AACS: variants seen among roughly 807,000 people sequenced by gnomAD.
The protein encoded by AACS is acetoacetate-CoA ligase.
In AACS, 69 loss-of-function variants were observed where a neutral mutation model predicts 83.1. The ratio of observed to expected loss-of-function variants is 0.83; its 90% CI spans 0.68 to 1.01. The LOEUF (loss-of-function observed/expected upper bound fraction) is 1.01, where lower values mean the gene tolerates loss of function less well. Among genes scored for constraint, AACS ranks in the 50% least tolerant of loss-of-function variants. The pLI, the probability that AACS is intolerant of heterozygous loss-of-function variation, is 0.00. For missense variants in AACS, 866 were observed against 882.2 expected (o/e 0.98, Z 0.23); for synonymous variants, 333 against 343.4 (o/e 0.97, Z 0.33).
chr12:125,124,936 C>G lies in AACS; in HGVS notation c.1221C>G (p.Ile407Met). 6.2e-7 allele frequency: 1 copy of G among 1,614,220 alleles called. No individual in the cohort carries two copies. Among genetic ancestry groups the G allele is most frequent in the South Asian group, 1.1e-5 (1 of 91,084 alleles). Reference sequence around the variant, plus strand: ...ACAGTCTCCAGATGCTCCACACGATCCTGTCCACTGGCTCCCCACTGAAAG... The same window carrying G: ...ACAGTCTCCAGATGCTCCACACGATGCTGTCCACTGGCTCCCCACTGAAAG... ...ETHSLQMLHT[I>M]LSTGSPLKAQ... Residue 407 changes from isoleucine (I) to methionine (M), a missense_variant, in exon 12 of 18, where the codon ATC becomes ATG. Transcript: ENST00000316519.
intron 17 of AACS, 118 bp downstream of exon 17, chr12:125,136,982 C>A: frequency 1.0e-6 from 1 of 993,230 alleles, no homozygotes; most frequent in Non-Finnish European, 1.5e-6. Context: ...GTCCACGTTG[C>A]CTAGCAACGC....
At chr12:125,117,413 CAA>C (rs1252793019) in intron 9 of AACS, among the ~76,000 whole-genome samples, 1 of 137,982 alleles carries the variant, frequency 7.2e-6, no homozygotes, top group Admixed American at 7.3e-5. Context: ...GACTCCGTCT[CAA>C]AAAAAAAAAA....
At position 125,129,166 on chromosome 12, in the gene AACS, GA is replaced by G; in HGVS notation, c.1424-167del. The G allele has an allele frequency of 1.1e-6, 1 of 887,192 alleles. No individual in the cohort carries two copies. Among genetic ancestry groups the G allele is most frequent in the Non-Finnish European group, 1.6e-6 (1 of 633,532 alleles). The allele number at this position is 887,192 out of a possible 1,614,324, so 55.0% of individuals were successfully genotyped here. A position where few individuals can be genotyped will look rare whatever the true frequency, so the allele number is the denominator to read the frequency against. On this transcript the variant is annotated intron_variant, in intron 13 of 17. Transcript: ENST00000316519. The surrounding 1 kb of genome is among the most constrained non-coding windows in gnomAD (Gnocchi z 4.3). ...ACAGGGAGGGGACTTCATCTGGGAG[GA>G]ACGCATTATTAGGCTGCTGTGACAG...
At chr12:125,138,205 C>T (rs1957427304) in intron 17 of AACS, 1 of 152,098 alleles carries the variant, frequency 6.6e-6, no homozygotes, top group South Asian at 2.1e-4. Context: ...CCTGTCCCTC[C>T]TCCTCCCGGC....
Position 125,134,047 on chromosome 12 carries a change from G to A in AACS, c.1594G>A (p.Gly532Arg), listed in dbSNP as rs200488553. 34 of 1,613,902 alleles carry A rather than the reference G, an allele frequency of 2.1e-5. No homozygotes were observed. Among genetic ancestry groups the A allele is most frequent in the Non-Finnish European group, 9.3e-6 (11 of 1,179,998 alleles). The change falls in exon 15 of 18, where the codon GGG becomes AGG. Residue 532 changes from glycine to arginine, a missense_variant. Coordinates refer to ENST00000316519, the MANE Select transcript of AACS (RefSeq NM_023928.5). The part of the protein sequence containing the change: ...GDYCRINPKT[G>R]GIVMLGRSDG... ...CTACTGCAGAATCAACCCCAAGACC[G>A]GGGGCATCGTCATGCTTGGCCGGAG... is the stretch of plus-strand genomic sequence containing the variant.
intron 8 of AACS, among the ~76,000 whole-genome samples, chr12:125,112,360 A>G (rs1406142498): frequency 6.6e-6 from 1 of 152,122 alleles, no homozygotes; most frequent in Non-Finnish European, 1.5e-5. Context: ...AGGGCAGTGT[A>G]TTAGTCTGTT....
At position 125,065,674 on chromosome 12, in the gene AACS, C is replaced by T. The variant is rs1349557180; in HGVS notation, c.90C>T (p.Asp30=). Residue 30 remains aspartate (D), a synonymous_variant, in exon 1 of 18, where the codon GAC becomes GAT. Coordinates refer to ENST00000316519, the MANE Select transcript of AACS (RefSeq NM_023928.5). ...EPDSKKNTQM[D]RFRAAVGAAC... ...ACAGTAAGAAGAACACGCAGATGGACCGCTTCCGGGCGGCTGTGGGCGCCG... is the reference window on the plus strand; with the variant it reads ...ACAGTAAGAAGAACACGCAGATGGATCGCTTCCGGGCGGCTGTGGGCGCCG... The T allele has an allele frequency of 6.5e-7, 1 of 1,545,716 alleles. No individual in the cohort carries two copies. The highest frequency in any genetic ancestry group is 2.5e-5 in the East Asian group (1 of 40,238).
intron 10 of AACS, chr12:125,123,330 G>T (rs888316782): frequency 6.6e-6 from 1 of 152,228 alleles, no homozygotes. Flanking sequence ...CAAAGGAAGT[G>T]ACACCTTAGT....
At chr12:125,068,184 T>C (rs543728452) in intron 1 of AACS, among the ~76,000 whole-genome samples, 1 of 152,172 alleles carries the variant, frequency 6.6e-6, no homozygotes, top group South Asian at 2.1e-4. Context: ...GGGCTGGGCG[T>C]GGTGGCTCAC....
intron 15 of AACS, 45 bp downstream of exon 15, chr12:125,134,117 C>T: frequency 6.3e-7 from 1 of 1,597,970 alleles, no homozygotes; most frequent in Non-Finnish European, 8.5e-7. Context: ...GCCCCACCTT[C>T]CAGAGGCATG....
chr12:125,103,545 ATGG>A, intron 7 of AACS, among the ~76,000 whole-genome samples: 1 of 148,996 alleles, frequency 6.7e-6, no homozygotes, highest in Non-Finnish European at 1.5e-5. Context: ...ATGTGTATGT[ATGG>A]CTATGCATAC....
chr12:125,077,707 C>A (rs542149920), intron 3 of AACS, among the ~76,000 whole-genome samples: 2 of 151,638 alleles, frequency 1.3e-5, no homozygotes, highest in African/African-American at 4.8e-5. Flanking sequence ...AATGAGTCTC[C>A]AAGTTGGCAA....
At chr12:125,066,972 C>G (rs1955718747) in intron 1 of AACS, among the ~76,000 whole-genome samples, 1 of 152,194 alleles carries the variant, frequency 6.6e-6, no homozygotes, top group South Asian at 2.1e-4. Flanking sequence ...TCCTCCTCAC[C>G]AAACAGTGGT....
At chr12:125,136,619 A>G (rs761113307) in intron 16 of AACS, 43 bp from the exon 17 acceptor site, 1 of 1,580,028 alleles carries the variant, frequency 6.3e-7, no homozygotes, top group African/African-American at 1.3e-5. Context: ...CCCCACACTG[A>G]GGGGCCCCCT....
intron 10 of AACS, 136 bp from the exon 11 acceptor site, chr12:125,124,568 GA>G (rs982411638): frequency 1.1e-6 from 1 of 918,718 alleles, no homozygotes; most frequent in African/African-American, 1.7e-5. Context: ...GAGTAAACAT[GA>G]AGTATGAGTT....
chr12:125,073,126 C>T (rs1955921598), intron 1 of AACS, among the ~76,000 whole-genome samples: 1 of 151,924 alleles, frequency 6.6e-6, no homozygotes, highest in Non-Finnish European at 1.5e-5. Context: ...GATGGGGTTT[C>T]ACTATTTTGG....
chr12:125,104,298 G>T (rs1034805012), intron 7 of AACS, among the ~76,000 whole-genome samples: 2 of 152,206 alleles, frequency 1.3e-5, no homozygotes, highest in Admixed American at 6.5e-5. Context: ...CCAGCCACGG[G>T]GACCAGAGGT....
At chr12:125,090,621 C>T (rs1158426093) in intron 4 of AACS, among the ~76,000 whole-genome samples, 1 of 151,582 alleles carries the variant, frequency 6.6e-6, no homozygotes, top group Non-Finnish European at 1.5e-5. Flanking sequence ...TCTCTGCCTA[C>T]CCATTCACCC....
rs911411928 is a variant in AACS at position 125,140,051 on chromosome 12, C to T, written c.1882-2041C>T. The T allele has an allele frequency of 1.3e-5, 2 of 152,200 alleles. No individual in the cohort carries two copies. The highest frequency in any genetic ancestry group is 4.8e-5 in the African/African-American group (2 of 41,442). The allele number at this position is 152,200 out of a possible 1,614,324, so 9.4% of individuals were successfully genotyped here. ...ATAGTCAGCTCTGCCTTCTGCTCACCCAGAATAAAGACCTGGGGACCCCGC... is the reference window on the plus strand; with the variant it reads ...ATAGTCAGCTCTGCCTTCTGCTCACTCAGAATAAAGACCTGGGGACCCCGC... On this transcript the variant is annotated intron_variant, in intron 17 of 17. Transcript: ENST00000316519. The surrounding 1 kb of genome is among the most constrained non-coding windows in gnomAD (Gnocchi z 5.1).
Sources: allele counts gnomAD v4.1 joint callset (sites outside exome capture counted in the v4.1 genomes callset), GRCh38; gene constraint gnomAD v4.1.1; non-coding constraint Gnocchi (gnomAD v3.1); transcripts MANE v1.5; gene names NCBI Gene and HGNC (gene_info 2026-07-23, HGNC 2026-07-21).